The following TYR variants were observed in gnomAD, a reference collection of about 807,000 sequenced individuals.
TYR encodes LB24-AB.
Under a neutral mutation model 51.5 loss-of-function variants are expected in TYR, and 58 were observed. The ratio of observed to expected loss-of-function variants is 1.13; its 90% CI spans 0.91 to 1.40. The LOEUF (loss-of-function observed/expected upper bound fraction) is 1.40, where lower values mean the gene tolerates loss of function less well. Ranked by LOEUF, TYR falls within the 40% of genes most tolerant of loss-of-function variation. The pLI is 0.00. For synonymous variants in TYR, 263 were observed against 235.2 expected (o/e 1.12, Z -1.08); for missense variants, 732 against 647.4 (o/e 1.13, Z -1.42).
intron 2 of TYR, among the ~76,000 whole-genome samples, chr11:89,216,195 T>C (rs1309384952): frequency 6.6e-6 from 1 of 151,998 alleles, no homozygotes; most frequent in Non-Finnish European, 1.5e-5. Flanking sequence ...CAGAAGAAAA[T>C]GCAGTAAGAA....
chr11:89,283,547 G>A (rs935633282), intron 3 of TYR, among the ~76,000 whole-genome samples: 1 of 151,690 alleles, frequency 6.6e-6, no homozygotes, highest in Non-Finnish European at 1.5e-5. Flanking sequence ...AAACAGGTAG[G>A]ACAGATATTA....
chr11:89,249,854 G>C (rs1944311327), intron 3 of TYR, among the ~76,000 whole-genome samples: 1 of 152,004 alleles, frequency 6.6e-6, no homozygotes, highest in African/African-American at 2.4e-5. Flanking sequence ...CAAGGTACTG[G>C]AGATGTGAAA....
At chr11:89,287,199 C>T (rs1377329039) in intron 4 of TYR, among the ~76,000 whole-genome samples, 1 of 151,780 alleles carries the variant, frequency 6.6e-6, no homozygotes, top group Non-Finnish European at 1.5e-5. Context: ...CTAAGCATCA[C>T]ATTGTATCTG....
At chr11:89,266,278 A>G (rs1394035586) in intron 3 of TYR, among the ~76,000 whole-genome samples, 1 of 151,962 alleles carries the variant, frequency 6.6e-6, no homozygotes, top group Non-Finnish European at 1.5e-5. Flanking sequence ...ATAATTGTAA[A>G]CCATAAATAC....
chr11:89,252,567 G>A (rs1218058831), intron 3 of TYR, among the ~76,000 whole-genome samples: 2 of 151,816 alleles, frequency 1.3e-5, no homozygotes, highest in Admixed American at 6.6e-5. Context: ...TCAAGACCTG[G>A]ATAGTAAAAT....
intron 1 of TYR, among the ~76,000 whole-genome samples, chr11:89,185,878 T>C (rs1036398975): frequency 2.6e-5 from 4 of 152,204 alleles, no homozygotes; most frequent in Non-Finnish European, 4.4e-5. Flanking sequence ...CATATTTTTA[T>C]CATAGTTTAT....
At chr11:89,249,849 T>C (rs540648837) in intron 3 of TYR, among the ~76,000 whole-genome samples, 2 of 152,104 alleles carry the variant, frequency 1.3e-5, no homozygotes, top group South Asian at 4.1e-4. Context: ...CACAGCAAGG[T>C]ACTGGAGATG....
At chr11:89,184,225 C>A (rs1345760287) in intron 1 of TYR, among the ~76,000 whole-genome samples, 2 of 151,352 alleles carry the variant, frequency 1.3e-5, no homozygotes, top group East Asian at 1.9e-4. Context: ...AGTCACTTGG[C>A]AGTTGGCATT....
intron 4 of TYR, 49 bp from the exon 5 acceptor site, chr11:89,295,094 G>A (rs1333203412): frequency 1.2e-6 from 2 of 1,603,454 alleles, no homozygotes; most frequent in Admixed American, 1.7e-5. Context: ...GATGGTGATC[G>A]TAACAATGGT....
At chr11:89,244,875 G>A (rs953496814) in intron 3 of TYR, among the ~76,000 whole-genome samples, 2 of 152,152 alleles carry the variant, frequency 1.3e-5, no homozygotes, top group African/African-American at 4.8e-5. Context: ...GTTTCCTCGA[G>A]GGCAGATATG....
At chr11:89,280,661 CTAATA>C (rs1944710600) in intron 3 of TYR, among the ~76,000 whole-genome samples, 1 of 151,224 alleles carries the variant, frequency 6.6e-6, no homozygotes, top group Admixed American at 6.6e-5. Flanking sequence ...TATATCATAT[CTAATA>C]TGATATAAAT....
Position 89,199,535 on chromosome 11 carries a change from A to G in TYR, c.1036+8117A>G, listed in dbSNP as rs190312361. Among the ~76,000 whole-genome samples, 221 of 152,316 alleles carry G rather than the reference A, an allele frequency of 1.5e-3. 2 individuals carry two copies. The highest frequency in any genetic ancestry group is 5.2e-3 in the African/African-American group (215 of 41,580). ...AGTGCAGAGTCCTTTAGGGTCAATG[A>G]AAACACTGATATTGAAGACATATAG... On this transcript the variant is annotated intron_variant, in intron 2 of 4. Transcript: ENST00000263321.
chr11:89,178,578 C>A lies in TYR; in HGVS notation c.625C>A (p.Pro209Thr). Residue 209 changes from proline (P) to threonine (T), a missense_variant, in exon 1 of 5, where the codon CCT becomes ACT. Transcript: ENST00000263321. ...TGCCCATGAAGCACCAGCTTTTCTG[C>A]CTTGGCATAGACTCTTCTTGTTGCG... ...DFAHEAPAFL[P>T]WHRLFLLRWE... The A allele has an allele frequency of 1.2e-6, 2 of 1,614,102 alleles. No individual in the cohort carries two copies. The highest frequency in any genetic ancestry group is 2.2e-5 in the South Asian group (2 of 91,072).
chr11:89,266,347 T>C (rs1944525823), intron 3 of TYR, among the ~76,000 whole-genome samples: 1 of 152,018 alleles, frequency 6.6e-6, no homozygotes, highest in Admixed American at 6.6e-5. Context: ...AGTTCATAGA[T>C]AATTCATAGA....
At chr11:89,287,869 A>C (rs1944809095) in intron 4 of TYR, among the ~76,000 whole-genome samples, 1 of 151,964 alleles carries the variant, frequency 6.6e-6, no homozygotes. Context: ...TGGTGGTGGC[A>C]GGAAGGGAGA....
chr11:89,211,881 G>T (rs191006030), intron 2 of TYR, among the ~76,000 whole-genome samples: 1 of 152,114 alleles, frequency 6.6e-6, no homozygotes, highest in African/African-American at 2.4e-5. Context: ...CAGAAATAAA[G>T]TTGTTCTTTA....
intron 3 of TYR, among the ~76,000 whole-genome samples, chr11:89,228,925 T>C (rs915785516): frequency 5.3e-5 from 8 of 151,966 alleles, no homozygotes; most frequent in East Asian, 1.9e-4. Context: ...ACAAATGCTA[T>C]GGAGTGTTCT....
rs376456880 is a variant in TYR at position 89,236,148 on chromosome 11, C to T, written c.1184+8178C>T. On this transcript the variant is annotated intron_variant, in intron 3 of 4. Coordinates refer to ENST00000263321, the MANE Select transcript of TYR (RefSeq NM_000372.5). ...GACCAAGACCACGTTGTTTGCAATG[C>T]GGAAAATATTTAATAGCTAGCCGTT... 3.3e-5 allele frequency among the ~76,000 whole-genome samples: 5 copies of T among 151,700 alleles called. No homozygotes were observed. In the South Asian group the frequency reaches 8.3e-4, roughly 25 times the overall value.
At chr11:89,225,668 C>T (rs1450981821) in intron 2 of TYR, among the ~76,000 whole-genome samples, 1 of 151,722 alleles carries the variant, frequency 6.6e-6, no homozygotes, top group Non-Finnish European at 1.5e-5. Context: ...ATGGTGGATA[C>T]ATTTTTTGAA....
Sources: allele counts gnomAD v4.1 joint callset (sites outside exome capture counted in the v4.1 genomes callset), GRCh38; gene constraint gnomAD v4.1.1; transcripts MANE v1.5; gene names NCBI Gene and HGNC (gene_info 2026-07-23, HGNC 2026-07-21).